GRID2: variants seen among roughly 807,000 people sequenced by gnomAD.
GRID2 encodes glutamate ionotropic receptor delta type subunit 2.
GRID2 carries 33 observed loss-of-function variants against 114.8 expected under a neutral mutation model. That is an observed-to-expected ratio of 0.29 (90% CI 0.22 to 0.38). GRID2 has a LOEUF of 0.38. Among genes scored for constraint, GRID2 ranks in the 10% least tolerant of loss-of-function variants. The probability of loss-of-function intolerance (pLI) is 1.00; values close to 1 mark genes in which losing one functional copy is unlikely to be tolerated. For missense variants in GRID2, 1,184 were observed against 1,257.7 expected (o/e 0.94, Z 0.89); for synonymous variants, 505 against 449.9 (o/e 1.12, Z -1.55).
rs189779458 is a variant in GRID2 at position 93,650,938 on chromosome 4, C to A, written c.2360+24503C>A. Among the ~76,000 whole-genome samples the A allele has an allele frequency of 2.0e-5, 3 of 152,026 alleles. No homozygotes were observed. In the East Asian group the frequency reaches 5.8e-4, roughly 29 times the overall value. ...AAAAAATTCATTCTGAAAACAAAGG[C>A]TTCTAGACTCAGTTTACTGAATGCG... On this transcript the variant is annotated intron_variant, in intron 14 of 15. Coordinates refer to ENST00000282020, the MANE Select transcript of GRID2 (RefSeq NM_001510.4).
chr4:93,708,775 T>C (rs1728227040), intron 14 of GRID2, among the ~76,000 whole-genome samples: 1 of 151,976 alleles, frequency 6.6e-6, no homozygotes, highest in African/African-American at 2.4e-5. Context: ...CCTTCTTCCT[T>C]CCTTCTTTCC....
chr4:93,018,728 C>G (rs758216962), intron 2 of GRID2, among the ~76,000 whole-genome samples: 8 of 152,194 alleles, frequency 5.3e-5, no homozygotes, highest in Non-Finnish European at 8.8e-5. Flanking sequence ...ATCCCAAATC[C>G]TTTCTTTGTT....
chr4:93,143,379 T>C (rs1216176346), intron 4 of GRID2, among the ~76,000 whole-genome samples: 1 of 152,198 alleles, frequency 6.6e-6, no homozygotes, highest in Non-Finnish European at 1.5e-5. Flanking sequence ...CAGTCCTGAA[T>C]ATGAATATGC....
rs574225025 is a variant in GRID2, at chr4:92,376,261, A to G, written c.88+71517A>G. Among the ~76,000 whole-genome samples the G allele has an allele frequency of 3.2e-4, 49 of 152,044 alleles. No individual in the cohort carries two copies. In the Middle Eastern group the frequency reaches 0.017, roughly 53 times the overall value. ...GGAGGCAGAGGTTGCAGTGAGCCAA[A>G]ATTGCACCACTGCACTCCAGCCTGG... On this transcript the variant is annotated intron_variant, in intron 1 of 15. Coordinates refer to ENST00000282020, the MANE Select transcript of GRID2 (RefSeq NM_001510.4).
chr4:92,853,368 TGA>T (rs1271950772), intron 2 of GRID2, among the ~76,000 whole-genome samples: 1 of 152,082 alleles, frequency 6.6e-6, no homozygotes, highest in African/African-American at 2.4e-5. Context: ...AATTAATTAA[TGA>T]GAGGTATTTC....
At chr4:92,827,095 A>G (rs1161328369) in intron 2 of GRID2, among the ~76,000 whole-genome samples, 1 of 152,076 alleles carries the variant, frequency 6.6e-6, no homozygotes, top group African/African-American at 2.4e-5. Context: ...CTCATATTTC[A>G]ATTCATGTTT....
intron 14 of GRID2, among the ~76,000 whole-genome samples, chr4:93,661,303 T>A (rs539169354): frequency 6.6e-6 from 1 of 152,194 alleles, no homozygotes; most frequent in African/African-American, 2.4e-5. Context: ...CAAGGTGATA[T>A]TCTATCATCT....
At chr4:93,646,751 G>T (rs1236603888) in intron 14 of GRID2, among the ~76,000 whole-genome samples, 1 of 152,140 alleles carries the variant, frequency 6.6e-6, no homozygotes, top group Non-Finnish European at 1.5e-5. Flanking sequence ...AGATGTGAAA[G>T]TGGCAGCTAC....
intron 1 of GRID2, among the ~76,000 whole-genome samples, chr4:92,538,487 A>G (rs1475956267): frequency 2.6e-5 from 4 of 152,198 alleles, no homozygotes; most frequent in Non-Finnish European, 4.4e-5. Flanking sequence ...GCATTTGCCT[A>G]TTGAGTCTCA....
At chr4:92,621,390 G>GA (rs1308125189) in intron 2 of GRID2, among the ~76,000 whole-genome samples, 2 of 151,718 alleles carry the variant, frequency 1.3e-5, no homozygotes, top group Non-Finnish European at 2.9e-5. Flanking sequence ...CATTTTGTGG[G>GA]AAAAAAAGTT....
At chr4:92,582,409 T>C (rs927650248) in intron 1 of GRID2, among the ~76,000 whole-genome samples, 1 of 151,788 alleles carries the variant, frequency 6.6e-6, no homozygotes, top group Non-Finnish European at 1.5e-5. Context: ...TAAACTAAGG[T>C]TTAGAAATTC....
chr4:92,686,758 G>A (rs1733926616), intron 2 of GRID2, among the ~76,000 whole-genome samples: 1 of 151,684 alleles, frequency 6.6e-6, no homozygotes. Flanking sequence ...TAAAAAATTA[G>A]CAATGTTATT....
chr4:93,754,230 A>G (rs927998028), intron 14 of GRID2, among the ~76,000 whole-genome samples: 6 of 152,330 alleles, frequency 3.9e-5, no homozygotes, highest in Admixed American at 2.6e-4. Flanking sequence ...GAGGTACATG[A>G]CTGTAATTTT....
intron 1 of GRID2, among the ~76,000 whole-genome samples, chr4:93,799,955 G>A (rs961759215): frequency 1.7e-4 from 26 of 152,086 alleles, no homozygotes; most frequent in African/African-American, 6.3e-4. Flanking sequence ...TGAAAACATC[G>A]CTAGGTCTAG....
intron 1 of GRID2, among the ~76,000 whole-genome samples, chr4:92,569,711 C>A (rs149630050): frequency 1.3e-5 from 2 of 152,022 alleles, no homozygotes. Context: ...TTGTATTTCT[C>A]TAATAATCAG....
rs377327116 is a variant in GRID2, at chr4:92,891,931, A to T, written c.245-193064A>T. 2.6e-5 allele frequency among the ~76,000 whole-genome samples: 4 copies of T among 152,302 alleles called. No individual in the cohort carries two copies. In the East Asian group the frequency reaches 7.7e-4, roughly 29 times the overall value. The stretch of plus-strand genomic sequence containing the variant: ...GTTTTCTTAAATATTGCATTAACAT[A>T]TTGAGAGATTCCCATTATTTTACCT... On this transcript the variant is annotated intron_variant, in intron 2 of 15. Coordinates refer to ENST00000282020, the MANE Select transcript of GRID2 (RefSeq NM_001510.4).
chr4:93,598,091 T>C (rs777147202), intron 13 of GRID2, among the ~76,000 whole-genome samples: 4 of 152,190 alleles, frequency 2.6e-5, no homozygotes, highest in Non-Finnish European at 5.9e-5. Flanking sequence ...TGGTACAACA[T>C]ACATGACAAC....
Position 92,971,556 on chromosome 4 carries a change from C to G in GRID2, c.245-113439C>G, listed in dbSNP as rs533661707. Among the ~76,000 whole-genome samples the G allele has an allele frequency of 2.6e-5, 4 of 152,110 alleles. No individual in the cohort carries two copies. In the East Asian group the frequency reaches 7.7e-4, roughly 29 times the overall value. The stretch of plus-strand genomic sequence containing the variant: ...TCTCTGTGTGTGAACATTTAAAATC[C>G]TCTTTTCTAGCTTTTCAAAAATATA... On this transcript the variant is annotated intron_variant, in intron 2 of 15. Coordinates refer to ENST00000282020, the MANE Select transcript of GRID2 (RefSeq NM_001510.4).
chr4:92,585,971 A>G (rs1293412338), intron 1 of GRID2, among the ~76,000 whole-genome samples: 5 of 151,834 alleles, frequency 3.3e-5, no homozygotes, highest in Admixed American at 3.3e-4. Flanking sequence ...TATTTTATCC[A>G]TACATCTGAA....
Sources: gnomAD v4.1 joint callset for allele counts (sites outside exome capture counted in the v4.1 genomes callset) on GRCh38, gnomAD v4.1.1 for gene constraint, MANE v1.5 for transcripts, NCBI Gene and HGNC (gene_info 2026-07-23, HGNC 2026-07-21) for gene names.